SPTBN2: variants seen among roughly 807,000 people sequenced by gnomAD.
SPTBN2 encodes the protein spectrin beta, non-erythrocytic 2, also known as spectrin beta chain, non-erythrocytic 2.
SPTBN2 carries 107 observed loss-of-function variants against 284.2 expected under a neutral mutation model. The observed-to-expected ratio is 0.38, with a 90% CI of 0.32 to 0.44. SPTBN2 has a LOEUF of 0.44. SPTBN2 is among the 20% of genes least tolerant of loss of function. SPTBN2 has a pLI of 1.00. For missense variants in SPTBN2, 2,569 were observed against 3,287.1 expected (o/e 0.78, Z 5.34); for synonymous variants, 1,289 against 1,354.8 (o/e 0.95, Z 1.07).
intron 30 of SPTBN2, 39 bp downstream of exon 30, chr11:66,689,057 C>T: frequency 6.3e-7 from 1 of 1,577,786 alleles, no homozygotes; most frequent in Non-Finnish European, 8.6e-7. Flanking sequence ...AGGATGCCCC[C>T]CACTCCCCAC....
At position 66,715,436 on chromosome 11, in the gene SPTBN2, T is replaced by C; in HGVS notation, c.310-41A>G. The C allele has an allele frequency of 6.3e-7, 1 of 1,580,036 alleles. No individual in the cohort carries two copies. The highest frequency in any genetic ancestry group is 8.6e-7 in the Non-Finnish European group (1 of 1,160,258). ...GGCAAAATGGCACGGGACTGTGGGC[T>C]TCCACCTTCTTCCCCAGCCTTCACA... On this transcript the variant is annotated intron_variant, in intron 4 of 37. Coordinates refer to ENST00000533211, the MANE Select transcript of SPTBN2 (RefSeq NM_006946.4). This position sits in a 1 kb window ranked among gnomAD's most constrained non-coding sequence, Gnocchi z 5.3.
At chr11:66,735,913 T>C (rs981177471) in intron 1 of SPTBN2, among the ~76,000 whole-genome samples, 14 of 152,140 alleles carry the variant, frequency 9.2e-5, no homozygotes, top group African/African-American at 3.4e-4. Flanking sequence ...TGACTTGAAA[T>C]TGTAAACAAG....
chr11:66,710,447 T>C lies in SPTBN2; in HGVS notation c.1073+135A>G. 2.3e-6 allele frequency: 2 copies of C among 882,374 alleles called. No homozygotes were observed. The highest frequency in any genetic ancestry group is 1.8e-6 in the Non-Finnish European group (1 of 566,126). The allele number at this position is 882,374 out of a possible 1,614,324, so 54.7% of individuals were successfully genotyped here. A position where few individuals can be genotyped will look rare whatever the true frequency, so the allele number is the denominator to read the frequency against. ...TTTTATTTTGTATCAACTATGTTGT[T>C]TGGATGCTTCTGGTGTGGGAAATCT... On this transcript the variant is annotated intron_variant, in intron 10 of 37. Transcript: ENST00000533211. The surrounding 1 kb of genome is among the most constrained non-coding windows in gnomAD (Gnocchi z 4.9).
Position 66,700,528 on chromosome 11 carries a change from G to T in SPTBN2, c.3571C>A (p.Gln1191Lys). ...ARQAEGVLSS[Q>K]EYVLSHTEMP... ...GGGACTTTGCCCTGGACTTTCACCT[G>T]GCTGCTGAGCACGCCCTCAGCCTGA... Residue 1191 changes from glutamine (Q) to lysine (K), a missense_variant and splice_region_variant, in exon 17 of 38, where the codon CAG becomes AAG. Gln to Lys is a moderately conservative substitution (Grantham distance 53). Transcript: ENST00000533211. The surrounding 1 kb of genome is among the most constrained non-coding windows in gnomAD (Gnocchi z 6.6). 1 of 1,603,624 alleles carries T rather than the reference G, an allele frequency of 6.2e-7. No homozygotes were observed.
rs1940575726 is a variant in SPTBN2, at chr11:66,691,892, T to C, written c.5191-234A>G. ...GGCGTTTCAAGGTGCTTGGGACCCT[T>C]AGGCTTCAGACAAGGATACCCTAAC... On this transcript the variant is annotated intron_variant, in intron 26 of 37. Coordinates refer to ENST00000533211, the MANE Select transcript of SPTBN2 (RefSeq NM_006946.4). This position sits in a 1 kb window ranked among gnomAD's most constrained non-coding sequence, Gnocchi z 8.0. Among the ~76,000 whole-genome samples the C allele has an allele frequency of 6.6e-6, 1 of 152,158 alleles. No homozygotes were observed. The highest frequency in any genetic ancestry group is 6.5e-5 in the Admixed American group (1 of 15,286).
intron 3 of SPTBN2, among the ~76,000 whole-genome samples, chr11:66,716,327 CA>C (rs1942147849): frequency 6.6e-6 from 1 of 151,854 alleles, no homozygotes; most frequent in African/African-American, 2.4e-5. Context: ...ACTAAAATTA[CA>C]AAAAATTAGC....
At position 66,690,040 on chromosome 11, in the gene SPTBN2, G is replaced by A. The variant is rs764114440; in HGVS notation, c.5809C>T (p.Arg1937Trp). The change falls in exon 28 of 38, where the codon CGG becomes TGG. Residue 1937 changes from arginine to tryptophan, a missense_variant and splice_region_variant. Around this residue, in one of 6 missense-constraint regions of SPTBN2, gnomAD observed 1,130 missense variants for 1,317.3 expected, o/e 0.86. Coordinates refer to ENST00000533211, the MANE Select transcript of SPTBN2 (RefSeq NM_006946.4). Reference sequence around the variant, plus strand: ...GGCCCTGAGCCCTGGGATTCTCACCGGGGACGCTCCTGGGCATCCATCTGC... The same window carrying A: ...GGCCCTGAGCCCTGGGATTCTCACCAGGGACGCTCCTGGGCATCCATCTGC... ...NLQMDAQERP[R>W]DVSSADLVIK... The A allele has an allele frequency of 1.9e-6, 3 of 1,614,208 alleles. No homozygotes were observed. The highest frequency in any genetic ancestry group is 1.7e-6 in the Non-Finnish European group (2 of 1,180,046).
Position 66,707,633 on chromosome 11 carries a change from G to C in SPTBN2, c.1536C>G (p.Leu512=), listed in dbSNP as rs1299448823. The C allele has an allele frequency of 6.2e-7, 1 of 1,610,014 alleles. No individual in the cohort carries two copies. The highest frequency in any genetic ancestry group is 1.3e-5 in the African/African-American group (1 of 75,066). The stretch of plus-strand genomic sequence containing the variant: ...CCACCATCTGCCGCAAGAAGTCCCA[G>C]AGCCGTGCCACGTTGTGCTGCCGAG... ...IAARQHNVAR[L]WDFLRQMVAA... Residue 512 remains leucine (L), a synonymous_variant, in exon 13 of 38, where the codon CTC becomes CTG. Coordinates refer to ENST00000533211, the MANE Select transcript of SPTBN2 (RefSeq NM_006946.4). This position sits in a 1 kb window ranked among gnomAD's most constrained non-coding sequence, Gnocchi z 4.9.
chr11:66,717,765 A>G (rs1942213315), intron 3 of SPTBN2, among the ~76,000 whole-genome samples: 1 of 152,194 alleles, frequency 6.6e-6, no homozygotes, highest in African/African-American at 2.4e-5. Context: ...AAATGGGCAA[A>G]GCCAAGCACC....
Position 66,691,453 on chromosome 11 carries a change from G to T in SPTBN2, c.5396C>A (p.Ala1799Glu), listed in dbSNP as rs775098613. The change falls in exon 27 of 38, where the codon GCG becomes GAG. Residue 1799 changes from alanine to glutamate, a missense_variant. Physicochemically the swap from Ala to Glu is moderately radical, Grantham distance 107 (BLOSUM62 -1). Around this residue, in one of 6 missense-constraint regions of SPTBN2, gnomAD observed 1,130 missense variants for 1,317.3 expected, o/e 0.86. Coordinates refer to ENST00000533211, the MANE Select transcript of SPTBN2 (RefSeq NM_006946.4). The surrounding 1 kb of genome is among the most constrained non-coding windows in gnomAD (Gnocchi z 8.0). ...CAGGAAGCGCTGCAGCTCGTACGCC[G>T]CGGCCAGCACCTGACCCCGTGTGTC... ...LLDTRGQVLAAAYELQRFLHG... is the reference protein window; with the variant it reads ...LLDTRGQVLAEAYELQRFLHG... 1.6e-5 allele frequency: 25 copies of T among 1,611,662 alleles called. No individual in the cohort carries two copies. Among genetic ancestry groups the T allele is most frequent in the Non-Finnish European group, 2.0e-5 (24 of 1,179,898 alleles).
rs774677740 is a variant in SPTBN2 at position 66,707,542 on chromosome 11, G to A, written c.1627C>T (p.Leu543Phe). Reference protein sequence around the residue: ...LQKVFQDLLYLMDWMEEMKGR... With the variant: ...LQKVFQDLLYFMDWMEEMKGR... ...TTCATCTCTTCCATCCAGTCCATGA[G>A]GTAGAGCAGGTCCTGGAACACCTTC... Residue 543 changes from leucine (L) to phenylalanine (F), a missense_variant, in exon 13 of 38, where the codon CTC (leucine) becomes TTC (phenylalanine). Physicochemically the swap from Leu to Phe is conservative, Grantham distance 22. Coordinates refer to ENST00000533211, the MANE Select transcript of SPTBN2 (RefSeq NM_006946.4). This position sits in a 1 kb window ranked among gnomAD's most constrained non-coding sequence, Gnocchi z 4.9. The A allele has an allele frequency of 9.3e-6, 15 of 1,609,560 alleles. No individual in the cohort carries two copies. Among genetic ancestry groups the A allele is most frequent in the Non-Finnish European group, 1.3e-5 (15 of 1,178,500 alleles).
rs574428124 is a variant in SPTBN2 at position 66,687,611 on chromosome 11, C to G, written c.6538G>C (p.Gly2180Arg). The G allele has an allele frequency of 6.2e-7, 1 of 1,605,718 alleles. No homozygotes were observed. Among genetic ancestry groups the G allele is most frequent in the African/African-American group, 1.3e-5 (1 of 74,890 alleles). The stretch of plus-strand genomic sequence containing the variant: ...CCCCGAGTCCGGGTCTGCCTCTCTC[C>G]CCGGGGCCCATTGGCTTCGTCCCCT... ...GSGDEANGPRGERQTRTRGPA... is the reference protein window; with the variant it reads ...GSGDEANGPRRERQTRTRGPA... Residue 2180 changes from glycine to arginine, a missense_variant, in exon 35 of 38, where the codon GGA becomes CGA. Transcript: ENST00000533211. The surrounding 1 kb of genome is among the most constrained non-coding windows in gnomAD (Gnocchi z 5.2).
Position 66,687,531 on chromosome 11 carries a change from G to A in SPTBN2, c.6618C>T (p.Ala2206=), listed in dbSNP as rs2135301157. The A allele has an allele frequency of 1.2e-6, 2 of 1,612,276 alleles. No homozygotes were observed. Among genetic ancestry groups the A allele is most frequent in the Non-Finnish European group, 1.7e-6 (2 of 1,180,000 alleles). Reference sequence around the variant, plus strand: ...GCTCTGGGCCTCGAGGCGGCAGGGTGGCAGCATGGGCTGACTCGGTAGACC... The same window carrying A: ...GCTCTGGGCCTCGAGGCGGCAGGGTAGCAGCATGGGCTGACTCGGTAGACC... The part of the protein sequence containing the change: ...QSRSTESAHA[A]TLPPRGPEPS... The change falls in exon 35 of 38, where the codon GCC becomes GCT. Residue 2206 remains alanine (A), a synonymous_variant. Coordinates refer to ENST00000533211, the MANE Select transcript of SPTBN2 (RefSeq NM_006946.4). The surrounding 1 kb of genome is among the most constrained non-coding windows in gnomAD (Gnocchi z 5.2).
chr11:66,708,246 G>C lies in SPTBN2; in HGVS notation c.1245C>G (p.Thr415=), dbSNP rs146719338. 1.9e-6 allele frequency: 3 copies of C among 1,610,062 alleles called. No individual in the cohort carries two copies. Among genetic ancestry groups the C allele is most frequent in the Non-Finnish European group, 8.5e-7 (1 of 1,177,904 alleles). ...CCAGCTTCTCCTGGCGGATGAGCTC[G>C]GTGCGCAGGGCCAGCTCACGCTCGT... ...AEHERELALR[T]ELIRQEKLEQ... Residue 415 remains threonine, a synonymous_variant, in exon 12 of 38, where the codon ACC becomes ACG. Transcript: ENST00000533211. The surrounding 1 kb of genome is among the most constrained non-coding windows in gnomAD (Gnocchi z 4.4).
upstream of SPTBN2, among the ~76,000 whole-genome samples, chr11:66,730,261 C>T (rs1476556521): frequency 2.0e-5 from 3 of 152,072 alleles, no homozygotes; most frequent in Non-Finnish European, 4.4e-5. Context: ...GACACTTGGT[C>T]AGGGACATTA....
rs773978750 is a variant in SPTBN2, at chr11:66,687,634, CCT to C, written c.6513_6514del (p.Asp2173ArgfsTer115). 3 of 1,597,766 alleles carry C rather than the reference CCT, an allele frequency of 1.9e-6. No individual in the cohort carries two copies. Among genetic ancestry groups the C allele is most frequent in the South Asian group, 1.1e-5 (1 of 89,864 alleles). On this transcript the variant is annotated frameshift_variant, in exon 35 of 38. Transcript: ENST00000533211. LOFTEE classifies it high-confidence loss of function. This position sits in a 1 kb window ranked among gnomAD's most constrained non-coding sequence, Gnocchi z 5.2. Reference sequence around the variant, plus strand: ...TCCCCGGGGCCCATTGGCTTCGTCCCCTGAGCCAGGTCCCTGGGGGGGAATCA... The same window carrying C: ...TCCCCGGGGCCCATTGGCTTCGTCCCGAGCCAGGTCCCTGGGGGGGAATCA...
In SPTBN2 at chr11:66,721,184, G is replaced by A. The variant is rs749188722; in HGVS notation, c.57C>T (p.Tyr19=). The A allele has an allele frequency of 9.3e-6, 15 of 1,614,164 alleles. No individual in the cohort carries two copies. In the Middle Eastern group the frequency reaches 4.9e-4, roughly 53 times the overall value. ...GGTCCCAGCGGTTGTTGATGTCACT[G>A]TACTGGCCCTGGATTTCCAAGCTGT... ...DFDSLEIQGQ[Y]SDINNRWDLP... The change falls in exon 3 of 38, where the codon TAC becomes TAT. Residue 19 remains tyrosine (Y), a synonymous_variant. Transcript: ENST00000533211.
At chr11:66,704,549 C>T (rs751115363) in intron 15 of SPTBN2, 49 bp downstream of exon 15, 31 of 1,577,590 alleles carry the variant, frequency 2.0e-5, no homozygotes, top group Non-Finnish European at 2.7e-5. Context: ...CCTGGCCCCC[C>T]CACCCCCACC....
intron 1 of SPTBN2, among the ~76,000 whole-genome samples, chr11:66,744,184 A>G (rs1303551241): frequency 6.6e-6 from 1 of 152,146 alleles, no homozygotes; most frequent in Non-Finnish European, 1.5e-5. Flanking sequence ...TTAATTTCAG[A>G]TTAGTAATTT....
Sources: allele counts gnomAD v4.1 joint callset (sites outside exome capture counted in the v4.1 genomes callset), GRCh38; gene constraint gnomAD v4.1.1; regional missense constraint gnomAD v4.1.1; non-coding constraint Gnocchi (gnomAD v3.1); transcripts MANE v1.5; gene names NCBI Gene and HGNC (gene_info 2026-07-23, HGNC 2026-07-21).